Variants in FSTL4 observed in about 807,000 individuals in gnomAD.
The protein encoded by FSTL4 is follistatin like 4.
A neutral mutation model predicts 78.2 loss-of-function variants in FSTL4; 28 were observed. The ratio of observed to expected loss-of-function variants is 0.36; its 90% CI spans 0.27 to 0.49. The LOEUF (loss-of-function observed/expected upper bound fraction) is 0.49, where lower values mean the gene tolerates loss of function less well. Ranked by LOEUF, FSTL4 falls within the 20% of genes least tolerant of loss-of-function variation. FSTL4 has a pLI of 0.98. For missense variants in FSTL4, 922 were observed against 1,084.9 expected, an observed-to-expected ratio of 0.85 and a Z score of 2.11; for synonymous variants, 422 against 440.5, an observed-to-expected ratio of 0.96 and a Z score of 0.53.
At chr5:133,819,564 T>C in the FSTL4 span, among the ~76,000 whole-genome samples, 2 of 152,216 alleles carry the variant, frequency 1.3e-5, no homozygotes, top group South Asian at 4.1e-4. Flanking sequence ...TTGTGTGCTC[T>C]TCACTTGCTA....
intron 7 of FSTL4, among the ~76,000 whole-genome samples, chr5:133,238,720 A>T (rs149171046): frequency 0.016 from 2,434 of 152,364 alleles, 30 homozygotes; most frequent in Middle Eastern, 0.027. Context: ...ATGAGTGCAC[A>T]CACGTACCAA....
At chr5:133,826,040 C>T in the FSTL4 span, among the ~76,000 whole-genome samples, 1 of 152,214 alleles carries the variant, frequency 6.6e-6, no homozygotes, top group Non-Finnish European at 1.5e-5. Flanking sequence ...CCACTGCCTC[C>T]AGGTGAGAAG....
intron 3 of FSTL4, among the ~76,000 whole-genome samples, chr5:133,566,215 T>C (rs1179826196): frequency 1.3e-5 from 2 of 152,134 alleles, no homozygotes; most frequent in Non-Finnish European, 2.9e-5. Context: ...CTCAATATAG[T>C]GTGAAAAGTT....
At chr5:133,249,356 T>C (rs1371143004) in intron 7 of FSTL4, 54 bp downstream of exon 7, 11 of 1,405,354 alleles carry the variant, frequency 7.8e-6, no homozygotes, top group South Asian at 1.2e-5. Flanking sequence ...TCTTACCCAG[T>C]GTACTCTCCC....
the FSTL4 span, among the ~76,000 whole-genome samples, chr5:133,705,376 G>A: frequency 6.6e-6 from 1 of 152,150 alleles, no homozygotes; most frequent in Non-Finnish European, 1.5e-5. Context: ...ATATTTTACA[G>A]ATTAATTCTA....
Position 133,400,950 on chromosome 5 carries a change from C to T in FSTL4, c.197G>A (p.Gly66Glu). The stretch of plus-strand genomic sequence containing the variant: ...GCTCCCTCGGCTGCAGAACTTCTTC[C>T]CGCAGGAGGCCAGCAGCTCGTTGTG... Reference protein sequence around the residue: ...SSHNELLASCGKKFCSRGSRC... With the variant: ...SSHNELLASCEKKFCSRGSRC... Residue 66 changes from glycine (G) to glutamate (E), a missense_variant, in exon 4 of 16, where the codon GGG becomes GAG. Physicochemically the swap from Gly to Glu is moderately conservative, Grantham distance 98 (BLOSUM62 -2). Coordinates refer to ENST00000265342, the MANE Select transcript of FSTL4 (RefSeq NM_015082.2). The T allele has an allele frequency of 6.2e-7, 1 of 1,613,300 alleles. No individual in the cohort carries two copies. The highest frequency in any genetic ancestry group is 8.5e-7 in the Non-Finnish European group (1 of 1,180,026).
chr5:133,279,559 C>T (rs1257824567), intron 6 of FSTL4, among the ~76,000 whole-genome samples: 1 of 152,208 alleles, frequency 6.6e-6, no homozygotes, highest in Non-Finnish European at 1.5e-5. Context: ...GTGCACACAT[C>T]TCCTAGGATG....
chr5:133,475,904 G>C (rs2112853262), intron 3 of FSTL4, among the ~76,000 whole-genome samples: 1 of 152,266 alleles, frequency 6.6e-6, no homozygotes, highest in East Asian at 1.9e-4. Context: ...TAGGAGCTCT[G>C]AGTGGTGGAA....
At chr5:133,727,252 T>C in the FSTL4 span, among the ~76,000 whole-genome samples, 4 of 152,152 alleles carry the variant, frequency 2.6e-5, no homozygotes, top group African/African-American at 9.7e-5. Flanking sequence ...AGATTTAGCT[T>C]GACCCTAGTG....
chr5:133,406,139 G>A (rs1256131653), intron 3 of FSTL4, among the ~76,000 whole-genome samples: 1 of 152,236 alleles, frequency 6.6e-6, no homozygotes, highest in Non-Finnish European at 1.5e-5. Context: ...TCTGGTCAGG[G>A]AAGCCTCTTT....
At position 133,285,490 on chromosome 5, in the gene FSTL4, C is replaced by T. The variant is rs191778374; in HGVS notation, c.727+27164G>A. Among the ~76,000 whole-genome samples, 16 of 152,272 alleles carry T rather than the reference C, an allele frequency of 1.1e-4. No individual in the cohort carries two copies. In the East Asian group the frequency reaches 3.1e-3, roughly 29 times the overall value. On this transcript the variant is annotated intron_variant, in intron 6 of 15. Coordinates refer to ENST00000265342, the MANE Select transcript of FSTL4 (RefSeq NM_015082.2). Reference sequence around the variant, plus strand: ...GGAAAGGTGCCCCATTCCCTTGGCCCTAAAATATTACCCTCAGAACTGCCA... The same window carrying T: ...GGAAAGGTGCCCCATTCCCTTGGCCTTAAAATATTACCCTCAGAACTGCCA...
At chr5:133,527,235 T>G (rs71585588) in intron 3 of FSTL4, among the ~76,000 whole-genome samples, 1,680 of 152,292 alleles carry the variant, frequency 0.011, 19 homozygotes, top group South Asian at 0.051. Flanking sequence ...TCTCTGCAAA[T>G]TGAGGGGTAT....
At chr5:133,315,459 G>C (rs955502033) in intron 5 of FSTL4, among the ~76,000 whole-genome samples, 1 of 152,184 alleles carries the variant, frequency 6.6e-6, no homozygotes, top group Admixed American at 6.5e-5. Context: ...TGAATGTTAG[G>C]GCACTCCCCA....
At chr5:133,362,002 T>C (rs1431618237) in intron 4 of FSTL4, among the ~76,000 whole-genome samples, 2 of 152,270 alleles carry the variant, frequency 1.3e-5, no homozygotes, top group African/African-American at 4.8e-5. Flanking sequence ...TGGCTTAATA[T>C]ACTTGGAATT....
At chr5:133,597,364 T>C (rs1459489015) in intron 2 of FSTL4, among the ~76,000 whole-genome samples, 1 of 152,138 alleles carries the variant, frequency 6.6e-6, no homozygotes, top group Non-Finnish European at 1.5e-5. Context: ...TGATTGGGAC[T>C]TGGCAGATCT....
At chr5:133,442,337 T>C (rs1173795305) in intron 3 of FSTL4, among the ~76,000 whole-genome samples, 1 of 152,204 alleles carries the variant, frequency 6.6e-6, no homozygotes, top group Non-Finnish European at 1.5e-5. Context: ...ATAACTTCTC[T>C]TTGTTGCTAA....
chr5:133,638,753 C>G, the FSTL4 span, among the ~76,000 whole-genome samples: 1 of 152,028 alleles, frequency 6.6e-6, no homozygotes, highest in Non-Finnish European at 1.5e-5. Flanking sequence ...TTCCCACTGA[C>G]ATATAAGCTC....
chr5:133,825,020 C>T, the FSTL4 span, among the ~76,000 whole-genome samples: 1 of 152,212 alleles, frequency 6.6e-6, no homozygotes, highest in Non-Finnish European at 1.5e-5. Context: ...TTCATTACAA[C>T]CACAGGGCAA....
the FSTL4 span, among the ~76,000 whole-genome samples, chr5:133,686,539 C>A: frequency 6.6e-6 from 1 of 152,086 alleles, no homozygotes; most frequent in South Asian, 2.1e-4. Context: ...CAGAAGCCAC[C>A]CCATTAACAC....
Sources: gnomAD v4.1 joint callset for allele counts (sites outside exome capture counted in the v4.1 genomes callset) on GRCh38, gnomAD v4.1.1 for gene constraint, MANE v1.5 for transcripts, NCBI Gene and HGNC (gene_info 2026-07-23, HGNC 2026-07-21) for gene names.